The following VPS13C variants were observed in gnomAD, a reference collection of about 807,000 sequenced individuals.
The protein encoded by VPS13C is vacuolar protein sorting 13 homolog C, also known as intermembrane lipid transfer protein VPS13C.
A neutral mutation model predicts 456.8 loss-of-function variants in VPS13C; 358 were observed. The ratio of observed to expected loss-of-function variants is 0.78; its 90% CI spans 0.72 to 0.86. The LOEUF is 0.86. Ranked by LOEUF, VPS13C falls within the 40% of genes least tolerant of loss-of-function variation. The pLI is 0.00. For missense variants in VPS13C, 4,818 were observed against 4,385.4 expected (o/e 1.10, Z -2.79); for synonymous variants, 1,578 against 1,486.7 (o/e 1.06, Z -1.41).
At position 61,882,714 on chromosome 15, in the gene VPS13C, A is replaced by T; in HGVS notation, c.9506T>A (p.Met3169Lys). The T allele has an allele frequency of 6.3e-7, 1 of 1,587,944 alleles. No individual in the cohort carries two copies. Among genetic ancestry groups the T allele is most frequent in the Non-Finnish European group, 8.6e-7 (1 of 1,169,396 alleles). ...NFEVNFDKDPMEMRLPIRSPI... is the reference protein window; with the variant it reads ...NFEVNFDKDPKEMRLPIRSPI... ...GCTACGAATAGGGAGGCGCATTTCC[A>T]TTGGATCTTTATCAAAATTGACCTA... The change falls in exon 69 of 85, where the codon ATG becomes AAG. Residue 3169 changes from methionine (M) to lysine (K), a missense_variant. By Grantham distance (95) the Met-to-Lys change is moderately conservative. This residue lies in a region of VPS13C where 4,552 missense variants were observed against 4,130.6 expected (regional missense o/e 1.10). Coordinates refer to ENST00000644861, the MANE Select transcript of VPS13C (RefSeq NM_020821.3).
At chr15:61,907,120 C>G in intron 66 of VPS13C, 144 bp downstream of exon 66, 1 of 1,142,706 alleles carries the variant, frequency 8.8e-7, no homozygotes, top group Middle Eastern at 2.1e-4. Flanking sequence ...CAGTATTTGC[C>G]ATCTAAAGTC....
chr15:62,058,233 T>C (rs997433986), intron 1 of VPS13C, among the ~76,000 whole-genome samples: 36 of 152,342 alleles, frequency 2.4e-4, no homozygotes, highest in African/African-American at 8.4e-4. Flanking sequence ...AAGTTTCAAA[T>C]GTTTACAAAC....
intron 51 of VPS13C, 32 bp downstream of exon 51, chr15:61,929,469 G>A (rs1189745287): frequency 6.4e-7 from 1 of 1,570,816 alleles, no homozygotes; most frequent in Non-Finnish European, 8.7e-7. Context: ...AAATATACAA[G>A]TTGTCATCTA....
chr15:61,855,051 TAAC>T (rs1197878506), intron 83 of VPS13C, 97 bp from the exon 84 acceptor site: 9 of 960,430 alleles, frequency 9.4e-6, no homozygotes, highest in Non-Finnish European at 1.1e-5. Flanking sequence ...CTCTATCTTA[TAAC>T]AAGTAGGCTA....
intron 8 of VPS13C, among the ~76,000 whole-genome samples, chr15:62,021,627 C>G (rs1360386572): frequency 2.6e-5 from 4 of 151,894 alleles, no homozygotes; most frequent in Admixed American, 1.3e-4. Context: ...AATCATCCAA[C>G]TGGGACTCCA....
chr15:61,998,087 A>C (rs1396516395), intron 16 of VPS13C, among the ~76,000 whole-genome samples: 1 of 152,024 alleles, frequency 6.6e-6, no homozygotes, highest in Non-Finnish European at 1.5e-5. Context: ...CTCTCTCAGG[A>C]CTCCAGTTAG....
intron 15 of VPS13C, among the ~76,000 whole-genome samples, chr15:62,002,422 C>T (rs1490343191): frequency 1.3e-5 from 2 of 151,972 alleles, no homozygotes; most frequent in African/African-American, 4.8e-5. Flanking sequence ...GATATTAGTC[C>T]TTTGTTAGAT....
chr15:62,041,290 C>G, intron 3 of VPS13C, 34 bp downstream of exon 3: 1 of 1,582,496 alleles, frequency 6.3e-7, no homozygotes, highest in Non-Finnish European at 8.6e-7. Flanking sequence ...ACAATAGGAC[C>G]AAGAATAATT....
chr15:62,034,572 G>GA (rs1252418548), intron 4 of VPS13C, among the ~76,000 whole-genome samples: 1 of 150,844 alleles, frequency 6.6e-6, no homozygotes, highest in Non-Finnish European at 1.5e-5. Flanking sequence ...AACAAAATAG[G>GA]AAAAAAAATA....
chr15:61,950,173 A>T (rs2044738563), intron 41 of VPS13C, among the ~76,000 whole-genome samples, 185 bp downstream of exon 41: 1 of 151,428 alleles, frequency 6.6e-6, no homozygotes, highest in South Asian at 2.1e-4. Flanking sequence ...TCAGAACATA[A>T]ATCAACTTTT....
At chr15:61,946,228 A>T in intron 44 of VPS13C, 79 bp downstream of exon 44, 2 of 1,086,944 alleles carry the variant, frequency 1.8e-6, no homozygotes, top group Non-Finnish European at 2.6e-6. Context: ...TAATAAATGT[A>T]TACTGTGCAA....
intron 32 of VPS13C, among the ~76,000 whole-genome samples, chr15:61,963,573 A>G (rs967509494): frequency 6.6e-6 from 1 of 152,106 alleles, no homozygotes; most frequent in Non-Finnish European, 1.5e-5. Flanking sequence ...GCATTCCTAC[A>G]TTGACATCAG....
rs28367150 is a variant in VPS13C, at chr15:62,010,693, A to C, written c.884-94T>G. The C allele has an allele frequency of 0.031, 38,320 of 1,241,592 alleles. 1,028 individuals are homozygous for C. The highest frequency in any genetic ancestry group is 0.12 in the African/African-American group (7,688 of 64,616). 76.9% of individuals were successfully genotyped at this position (1,241,592 alleles called of 1,614,324 possible). A position where few individuals can be genotyped will look rare whatever the true frequency, so the allele number is the denominator to read the frequency against. On this transcript the variant is annotated intron_variant, in intron 12 of 84. Transcript: ENST00000644861. The stretch of plus-strand genomic sequence containing the variant: ...TGAGAACACTGTTACTCTAGAAGTA[A>C]AGAAAAATGATCAAAAATGTGTGTA...
rs1221254890 is a variant in VPS13C at position 61,972,989 on chromosome 15, T to C, written c.2618-225A>G. ...ACTATGTTCTTTTCTTCAATGGTTCTGTTTTTCCCTATAGTTCATTCACTC... is the reference window on the plus strand; with the variant it reads ...ACTATGTTCTTTTCTTCAATGGTTCCGTTTTTCCCTATAGTTCATTCACTC... On this transcript the variant is annotated intron_variant, in intron 26 of 84. Coordinates refer to ENST00000644861, the MANE Select transcript of VPS13C (RefSeq NM_020821.3). Among the ~76,000 whole-genome samples, 3 of 152,342 alleles carry C rather than the reference T, an allele frequency of 2.0e-5. No individual in the cohort carries two copies. The East Asian group carries it at 5.8e-4, about 29-fold the overall frequency.
In VPS13C at chr15:61,913,395, G is replaced by C. The variant is rs1438678203; in HGVS notation, c.8466C>G (p.Thr2822=). ...ATGAGAAACTACTGGACCAGGCACT[G>C]GTTGAAATTTTTAATTGTACCTATA... ...TKNKVQLKIS[T]SAWSSSFSLD... is the part of the protein sequence containing the mutation. The change falls in exon 62 of 85, where the codon ACC becomes ACG. Residue 2822 remains threonine, a synonymous_variant. Coordinates refer to ENST00000644861, the MANE Select transcript of VPS13C (RefSeq NM_020821.3). The C allele has an allele frequency of 2.5e-6, 4 of 1,613,842 alleles. No homozygotes were observed. Among genetic ancestry groups the C allele is most frequent in the Non-Finnish European group, 3.4e-6 (4 of 1,179,922 alleles).
chr15:61,927,364 C>A (rs764326464), intron 51 of VPS13C, 44 bp from the exon 52 acceptor site: 1 of 1,508,738 alleles, frequency 6.6e-7, no homozygotes, highest in Non-Finnish European at 9.1e-7. Flanking sequence ...TAAGGTAAGT[C>A]TTTTCATTTG....
chr15:62,038,248 C>A lies in VPS13C; in HGVS notation c.187+3076G>T, dbSNP rs544471978. Among the ~76,000 whole-genome samples the A allele has an allele frequency of 3.3e-5, 5 of 152,164 alleles. No homozygotes were observed. The South Asian group carries it at 1.0e-3, about 32-fold the overall frequency. ...AGGCAAAGAATTTATGACAAAGACCCTAAAAGCAAATGCAAGAAAAACAAA... is the reference window on the plus strand; with the variant it reads ...AGGCAAAGAATTTATGACAAAGACCATAAAAGCAAATGCAAGAAAAACAAA... On this transcript the variant is annotated intron_variant, in intron 3 of 84. Transcript: ENST00000644861.
intron 6 of VPS13C, among the ~76,000 whole-genome samples, chr15:62,026,785 A>C (rs2047656462): frequency 1.3e-5 from 2 of 152,082 alleles, no homozygotes; most frequent in African/African-American, 4.8e-5. Context: ...AAGTTTATTA[A>C]AATTTAAAAC....
chr15:61,998,625 T>C (rs537939904), intron 16 of VPS13C, among the ~76,000 whole-genome samples: 1 of 152,324 alleles, frequency 6.6e-6, no homozygotes, highest in East Asian at 1.9e-4. Context: ...AATTAGTAGA[T>C]GGCAAAGCTG....
Sources: allele counts gnomAD v4.1 joint callset (sites outside exome capture counted in the v4.1 genomes callset), GRCh38; gene constraint gnomAD v4.1.1; regional missense constraint gnomAD v4.1.1; transcripts MANE v1.5; gene names NCBI Gene and HGNC (gene_info 2026-07-23, HGNC 2026-07-21).